The following RGL3 variants were observed in gnomAD, a reference collection of about 807,000 sequenced individuals.
RGL3 encodes ral guanine nucleotide dissociation stimulator like 3, also known as ral guanine nucleotide dissociation stimulator-like 3.
Under a neutral mutation model 90.6 loss-of-function variants are expected in RGL3, and 85 were observed. The ratio of observed to expected loss-of-function variants is 0.94; its 90% confidence interval spans 0.79 to 1.12. The LOEUF (loss-of-function observed/expected upper bound fraction) is 1.12, where lower values mean the gene tolerates loss of function less well. Ranked by LOEUF, RGL3 falls within the 50% of genes most tolerant of loss-of-function variation. RGL3 has a pLI of 0.00. For missense variants in RGL3, 1,034 were observed against 939.2 expected (o/e 1.10, Z -1.32); for synonymous variants, 408 against 385.5 (o/e 1.06, Z -0.68).
chr19:11,396,124 CTCTCTCTCTCTCTATATA>C (rs1434250496), intron 18 of RGL3, among the ~76,000 whole-genome samples: 6 of 57,776 alleles, frequency 1.0e-4, no homozygotes, highest in African/African-American at 4.8e-4. Flanking sequence ...CTCTCTCTCT[CTCTCTCTCTCTCTATATA>C]TATATATATA....
At chr19:11,397,979 A>G (rs1968608278) in intron 16 of RGL3, among the ~76,000 whole-genome samples, 1 of 152,136 alleles carries the variant, frequency 6.6e-6, no homozygotes, top group African/African-American at 2.4e-5. Context: ...ACTGCACTCC[A>G]GCCTGCGTGA....
In RGL3 at chr19:11,396,168, T is replaced by A. The variant is rs1299508354; in HGVS notation, c.2014+1076A>T. 6.9e-3 allele frequency among the ~76,000 whole-genome samples: 462 copies of A among 66,796 alleles called. 19 individuals carry two copies. Among genetic ancestry groups the A allele is most frequent in the African/African-American group, 0.03 (399 of 13,334 alleles). 43.8% of individuals were successfully genotyped at this position (66,796 alleles called of 152,430 possible). On this transcript the variant is annotated intron_variant, in intron 18 of 18. Transcript: ENST00000380456. ...TATATATATATATATATTTTTTTTT[T>A]TTTTTTTTTTTTTTTTTTGAGACAG... is the stretch of plus-strand genomic sequence containing the variant.
chr19:11,405,943 T>A (rs1423171878), intron 7 of RGL3, among the ~76,000 whole-genome samples: 3 of 151,394 alleles, frequency 2.0e-5, no homozygotes, highest in African/African-American at 7.3e-5. Flanking sequence ...TTGCCTAGGC[T>A]GGTCTCAAAC....
At chr19:11,417,592 C>T (rs1299232111) in intron 2 of RGL3, among the ~76,000 whole-genome samples, 1 of 151,002 alleles carries the variant, frequency 6.6e-6, no homozygotes, top group African/African-American at 2.4e-5. Context: ...GCCTCAGCCT[C>T]CCAAGTATCT....
Position 11,416,041 on chromosome 19 carries a change from G to A in RGL3, c.533C>T (p.Ala178Val), listed in dbSNP as rs139040605. The change falls in exon 5 of 19, where the codon GCG becomes GTG. Residue 178 changes from alanine to valine, a missense_variant. Physicochemically the swap from Ala to Val is moderately conservative, Grantham distance 64. Coordinates refer to ENST00000380456, the MANE Select transcript of RGL3 (RefSeq NM_001035223.4). ...LGSVRTFLGW[A>V]APGSAEAQKA... ...TTGAGCCTCAGCACTCCCTGGGGCC[G>A]CCCAGCCCAGAAAGGTTCGGACACT... 114 of 1,613,592 alleles carry A rather than the reference G, an allele frequency of 7.1e-5. No homozygotes were observed. Among genetic ancestry groups the A allele is most frequent in the East Asian group, 6.9e-4 (31 of 44,852 alleles).
At chr19:11,410,839 T>C (rs1968861852) in intron 5 of RGL3, among the ~76,000 whole-genome samples, 1 of 151,866 alleles carries the variant, frequency 6.6e-6, no homozygotes, top group African/African-American at 2.4e-5. Flanking sequence ...TCAGGAAAAA[T>C]GACCCATTTT....
Position 11,402,219 on chromosome 19 carries a change from C to T in RGL3, c.1358G>A (p.Arg453Lys), listed in dbSNP as rs1968691148. Residue 453 changes from arginine to lysine, a missense_variant, in exon 12 of 19, where the codon AGG becomes AAG. By Grantham distance (26) the Arg-to-Lys change is conservative. Coordinates refer to ENST00000380456, the MANE Select transcript of RGL3 (RefSeq NM_001035223.4). ...CCCACTGTAGCCTCCACTCACCTTCCTCCTCTTCTCAAAGTTAATGAGATC... is the reference window on the plus strand; with the variant it reads ...CCCACTGTAGCCTCCACTCACCTTCTTCCTCTTCTCAAAGTTAATGAGATC... Reference protein sequence around the residue: ...EGDLINFEKRRKEWEILARIQ... With the variant: ...EGDLINFEKRKKEWEILARIQ... The T allele has an allele frequency of 1.2e-6, 2 of 1,613,614 alleles. No individual in the cohort carries two copies. The highest frequency in any genetic ancestry group is 1.3e-5 in the African/African-American group (1 of 75,014).
intron 9 of RGL3, among the ~76,000 whole-genome samples, chr19:11,403,640 CAAAAAAAAAAAAA>C (rs889376839): frequency 4.0e-5 from 2 of 49,414 alleles, no homozygotes. Context: ...AACTCCATCT[CAAAAAAAAAAAAA>C]AAAAAAAAAA....
intron 5 of RGL3, among the ~76,000 whole-genome samples, chr19:11,410,528 T>A (rs366787): frequency 0.2 from 30,336 of 151,538 alleles, 3,333 homozygotes; most frequent in East Asian, 0.35. Flanking sequence ...CATAAAAAAA[T>A]TTTTAAAGTT....
intron 13 of RGL3, among the ~76,000 whole-genome samples, chr19:11,400,798 T>C (rs1321189710): frequency 6.6e-6 from 1 of 151,314 alleles, no homozygotes; most frequent in East Asian, 1.9e-4. Flanking sequence ...GGGGCTACAG[T>C]GAGCCGAGAT....
chr19:11,409,659 T>C (rs1968841229), intron 5 of RGL3, among the ~76,000 whole-genome samples: 1 of 152,216 alleles, frequency 6.6e-6, no homozygotes, highest in Admixed American at 6.5e-5. Flanking sequence ...ATTGCAAATG[T>C]TGTTCACAAG....
rs317912 is a variant in RGL3 at position 11,399,796 on chromosome 19, C to T, written c.1746+59G>A. 471 of 960,116 alleles carry T rather than the reference C, an allele frequency of 4.9e-4. 2 individuals carry two copies. In the African/African-American group the frequency reaches 6.7e-3, roughly 14 times the overall value. 59.5% of individuals were successfully genotyped at this position (960,116 alleles called of 1,614,324 possible). ...ACACATGTGCATGCACACACACGTGCACACACACAGAGCCTGGGTGCCCGC... is the reference window on the plus strand; with the variant it reads ...ACACATGTGCATGCACACACACGTGTACACACACAGAGCCTGGGTGCCCGC... On this transcript the variant is annotated intron_variant, in intron 16 of 18. Transcript: ENST00000380456.
At chr19:11,419,147 C>G in intron 1 of RGL3, 99 bp downstream of exon 1, 1 of 1,325,524 alleles carries the variant, frequency 7.5e-7, no homozygotes. Context: ...AGGGCAAGTT[C>G]AGATTGGGAG....
In RGL3 at chr19:11,415,987, A is replaced by G. The variant is rs151155820; in HGVS notation, c.587T>C (p.Leu196Ser). 5.6e-5 allele frequency: 91 copies of G among 1,613,716 alleles called. No individual in the cohort carries two copies. The African/African-American group carries it at 1.0e-3, about 18-fold the overall frequency. The change falls in exon 5 of 19, where the codon TTG becomes TCG. Residue 196 changes from leucine (L) to serine (S), a missense_variant. Physicochemically the swap from Leu to Ser is moderately radical, Grantham distance 145 (BLOSUM62 -2). Coordinates refer to ENST00000380456, the MANE Select transcript of RGL3 (RefSeq NM_001035223.4). ...QKAEKLLEDF[L>S]EEAEREQEEE... is the part of the protein sequence containing the mutation. Reference sequence around the variant, plus strand: ...TTCCTGCTCTCGCTCAGCCTCCTCCAAAAAATCTTCCAGAAGCTTCTCTGC... The same window carrying G: ...TTCCTGCTCTCGCTCAGCCTCCTCCGAAAAATCTTCCAGAAGCTTCTCTGC...
intron 13 of RGL3, among the ~76,000 whole-genome samples, chr19:11,401,693 G>A (rs1206026342): frequency 6.6e-6 from 1 of 151,790 alleles, no homozygotes; most frequent in Non-Finnish European, 1.5e-5. Context: ...GAGCCACCGT[G>A]CCCAGCCACG....
At chr19:11,417,150 T>A (rs1969017574) in intron 2 of RGL3, 91 bp from the exon 3 acceptor site, 1 of 973,624 alleles carries the variant, frequency 1.0e-6, no homozygotes, top group Non-Finnish European at 1.5e-6. Context: ...ACCACTCTTT[T>A]TTTTTTTGTT....
intron 18 of RGL3, 175 bp from the exon 19 acceptor site, chr19:11,394,695 T>G (rs1219040619): frequency 1.7e-6 from 1 of 586,802 alleles, no homozygotes; most frequent in Non-Finnish European, 3.1e-6. Flanking sequence ...GACTTCTCAC[T>G]TGAAAACTTG....
Position 11,402,280 on chromosome 19 carries a change from C to CAGGGTCA in RGL3, c.1330-40_1330-34dup, listed in dbSNP as rs147985412. 16,558 of 1,612,078 alleles carry CAGGGTCA rather than the reference C, an allele frequency of 0.01. 1,403 individuals are homozygous for CAGGGTCA. In the African/African-American group the frequency reaches 0.19, roughly 19 times the overall value. ...CAAAGTGTGTCTGAATTGCAGCACC[C>CAGGGTCA]AGGGTCAAGGGTCAAGGGTCAAGGT... On this transcript the variant is annotated intron_variant, in intron 11 of 18. Coordinates refer to ENST00000380456, the MANE Select transcript of RGL3 (RefSeq NM_001035223.4).
Position 11,416,119 on chromosome 19 carries a change from A to T in RGL3, c.455T>A (p.Leu152Gln). The T allele has an allele frequency of 6.3e-7, 1 of 1,591,884 alleles. No individual in the cohort carries two copies. The highest frequency in any genetic ancestry group is 1.8e-5 in the Admixed American group (1 of 56,232). ...TCGGAAATCCTGAGGGTGGTCCTGC[A>T]GCCAGGAGCCCAGCACTGACACCAC... ...RAVVSVLGSW[L>Q]QDHPQDFRDH... Residue 152 changes from leucine to glutamine, a missense_variant, in exon 5 of 19, where the codon CTG (leucine) becomes CAG (glutamine). By Grantham distance (113) the Leu-to-Gln change is moderately radical. Transcript: ENST00000380456.
Sources: gnomAD v4.1 joint callset for allele counts (sites outside exome capture counted in the v4.1 genomes callset) on GRCh38, gnomAD v4.1.1 for gene constraint, MANE v1.5 for transcripts, NCBI Gene and HGNC (gene_info 2026-07-23, HGNC 2026-07-21) for gene names.